The following AGPAT3 variants were observed in gnomAD, a reference collection of about 807,000 sequenced individuals.
AGPAT3 encodes 1-acyl-sn-glycerol-3-phosphate acyltransferase gamma.
In AGPAT3, 5 loss-of-function variants were observed where a neutral mutation model predicts 47.3. The observed-to-expected ratio is 0.11, with a 90% CI of 0.06 to 0.22. AGPAT3 has a LOEUF of 0.22. AGPAT3 is among the 10% of genes least tolerant of loss of function. The pLI, the probability that AGPAT3 is intolerant of heterozygous loss-of-function variation, is 1.00. For synonymous variants in AGPAT3, 212 were observed against 208.3 expected (o/e 1.02, Z -0.15); for missense variants, 315 against 493.0 (o/e 0.64, Z 3.42).
chr21:43,967,929 C>T lies in AGPAT3; in HGVS notation c.179-17C>T. On this transcript the variant is annotated splice_polypyrimidine_tract_variant and intron_variant, in intron 3 of 9. Transcript: ENST00000291572. ...GGAGGGGTCCTACCAGTGCCAACGC[C>T]CTCCCCCTGTCCGCAGAACTGGTCA... 6.2e-7 allele frequency: 1 copy of T among 1,611,746 alleles called. No homozygotes were observed. Among genetic ancestry groups the T allele is most frequent in the Non-Finnish European group, 8.5e-7 (1 of 1,178,496 alleles).
chr21:43,937,944 A>G (rs1313170867), intron 2 of AGPAT3, among the ~76,000 whole-genome samples: 1 of 152,016 alleles, frequency 6.6e-6, no homozygotes, highest in African/African-American at 2.4e-5. Context: ...AGCCAGTCAT[A>G]TTTGCATATT....
In AGPAT3 at chr21:43,922,303, A is replaced by G. The variant is rs1242798269; in HGVS notation, c.-49+18284A>G. Among the ~76,000 whole-genome samples, 1 of 152,106 alleles carries G rather than the reference A, an allele frequency of 6.6e-6. No individual in the cohort carries two copies. Among genetic ancestry groups the G allele is most frequent in the Non-Finnish European group, 1.5e-5 (1 of 67,998 alleles). On this transcript the variant is annotated intron_variant, in intron 2 of 9. Coordinates refer to ENST00000291572, the MANE Select transcript of AGPAT3 (RefSeq NM_020132.5). This position sits in a 1 kb window ranked among gnomAD's most constrained non-coding sequence, Gnocchi z 4.9. Reference sequence around the variant, plus strand: ...GGGGGTGGCGAGGCGAGGATGGTGAACACATCAGCAAACAGGAAGCGTGGG... The same window carrying G: ...GGGGGTGGCGAGGCGAGGATGGTGAGCACATCAGCAAACAGGAAGCGTGGG...
chr21:43,945,037 A>G (rs1312480391), intron 2 of AGPAT3, among the ~76,000 whole-genome samples: 3 of 152,224 alleles, frequency 2.0e-5, no homozygotes, highest in African/African-American at 7.2e-5. Flanking sequence ...GCCCAGAGGG[A>G]GGGCAGAGCC....
chr21:43,944,874 G>A (rs1417287982), intron 2 of AGPAT3, among the ~76,000 whole-genome samples: 2 of 152,250 alleles, frequency 1.3e-5, no homozygotes, highest in Non-Finnish European at 2.9e-5. Flanking sequence ...AGCAAGTGCG[G>A]GAGGTGTCCA....
chr21:43,915,109 A>C (rs1407421105), intron 2 of AGPAT3, among the ~76,000 whole-genome samples: 2 of 152,006 alleles, frequency 1.3e-5, no homozygotes, highest in Admixed American at 6.6e-5. Context: ...CCCAGGCTGG[A>C]GTGCAGTGAT....
intron 2 of AGPAT3, among the ~76,000 whole-genome samples, chr21:43,935,230 C>T (rs867954702): frequency 2.0e-5 from 3 of 152,258 alleles, no homozygotes; most frequent in Non-Finnish European, 2.9e-5. Context: ...CACACTGGGC[C>T]GTGTGGTGGC....
At chr21:43,946,884 G>A (rs2087917370) in intron 2 of AGPAT3, 1 of 152,340 alleles carries the variant, frequency 6.6e-6, no homozygotes, top group African/African-American at 2.4e-5. Context: ...CCTAGCATGG[G>A]AAGCGCCTGC....
intron 1 of AGPAT3, among the ~76,000 whole-genome samples, chr21:43,897,192 A>G (rs1459460361): frequency 6.6e-6 from 1 of 151,926 alleles, no homozygotes; most frequent in Non-Finnish European, 1.5e-5. Flanking sequence ...GCGTCTGTTT[A>G]ACAAAGCACA....
At chr21:43,963,397 G>C (rs1357403619) in intron 3 of AGPAT3, among the ~76,000 whole-genome samples, 1 of 152,118 alleles carries the variant, frequency 6.6e-6, no homozygotes, top group Non-Finnish European at 1.5e-5. Flanking sequence ...GGCAGGCCCT[G>C]GGGCATCACA....
rs1031281501 is a variant in AGPAT3 at position 43,916,057 on chromosome 21, AC to A, written c.-49+12041del. 6.0e-4 allele frequency among the ~76,000 whole-genome samples: 91 copies of A among 152,012 alleles called. 1 individual carries two copies. The highest frequency in any genetic ancestry group is 2.1e-3 in the African/African-American group (88 of 41,430). On this transcript the variant is annotated intron_variant, in intron 2 of 9. Coordinates refer to ENST00000291572, the MANE Select transcript of AGPAT3 (RefSeq NM_020132.5). Reference sequence around the variant, plus strand: ...TAATGTTTAAATTTCAGTGTAGAAAACCCTGTTTTCTGATTTTGTTACTAAT... The same window carrying A: ...TAATGTTTAAATTTCAGTGTAGAAAACCTGTTTTCTGATTTTGTTACTAAT...
rs2088363666 is a variant in AGPAT3 at position 43,954,807 on chromosome 21, C to G, written c.-48-4827C>G. ...GACTTCCTTTGAGGAGAGCTGGACCCAAGACGCCAGAGTTCCGGGGGCACT... is the reference window on the plus strand; with the variant it reads ...GACTTCCTTTGAGGAGAGCTGGACCGAAGACGCCAGAGTTCCGGGGGCACT... On this transcript the variant is annotated intron_variant, in intron 2 of 9. Coordinates refer to ENST00000291572, the MANE Select transcript of AGPAT3 (RefSeq NM_020132.5). This position sits in a 1 kb window ranked among gnomAD's most constrained non-coding sequence, Gnocchi z 4.0. The G allele has an allele frequency of 6.1e-6, 1 of 163,356 alleles. No homozygotes were observed. Among genetic ancestry groups the G allele is most frequent in the Non-Finnish European group, 1.3e-5 (1 of 74,678 alleles). 10.1% of individuals were successfully genotyped at this position (163,356 alleles called of 1,614,324 possible). A position where few individuals can be genotyped will look rare whatever the true frequency, so the allele number is the denominator to read the frequency against.
chr21:43,959,083 GGTGT>G (rs964453259), intron 2 of AGPAT3, among the ~76,000 whole-genome samples: 1 of 50,284 alleles, frequency 2.0e-5, no homozygotes, highest in Non-Finnish European at 4.5e-5. Context: ...TGTGGTTTGT[GGTGT>G]GTGTGTGTCA....
chr21:43,980,751 G>A (rs2089819689), intron 8 of AGPAT3, among the ~76,000 whole-genome samples: 1 of 152,200 alleles, frequency 6.6e-6, no homozygotes, highest in Non-Finnish European at 1.5e-5. Context: ...ATTTTCCTGG[G>A]AGACTTCCTC....
At chr21:43,879,986 G>A (rs2085821358) in intron 1 of AGPAT3, among the ~76,000 whole-genome samples, 1 of 152,196 alleles carries the variant, frequency 6.6e-6, no homozygotes, top group Non-Finnish European at 1.5e-5. Context: ...AGAAGACGTG[G>A]GTTCTGCCCG....
chr21:43,968,234 G>C, intron 4 of AGPAT3, 119 bp downstream of exon 4: 1 of 1,261,174 alleles, frequency 7.9e-7, no homozygotes, highest in South Asian at 1.4e-5. Flanking sequence ...GCTGGGGGTG[G>C]GGTGGTGACT....
chr21:43,942,973 CT>C (rs2087716620), intron 2 of AGPAT3, among the ~76,000 whole-genome samples: 1 of 152,236 alleles, frequency 6.6e-6, no homozygotes, highest in African/African-American at 2.4e-5. Context: ...GCCTCGGAGC[CT>C]TGTTCATCTG....
rs577233743 is a variant in AGPAT3, at chr21:43,909,656, G to A, written c.-49+5637G>A. On this transcript the variant is annotated intron_variant, in intron 2 of 9. Transcript: ENST00000291572. ...CTTGAGTCTTTCCTGGATAATGAAAGGTATCCCGACGGTGCTGTTCCATCA... is the reference window on the plus strand; with the variant it reads ...CTTGAGTCTTTCCTGGATAATGAAAAGTATCCCGACGGTGCTGTTCCATCA... Among the ~76,000 whole-genome samples the A allele has an allele frequency of 2.0e-5, 3 of 152,286 alleles. No homozygotes were observed. The South Asian group carries it at 6.2e-4, about 32-fold the overall frequency.
At chr21:43,904,327 C>T (rs767893516) in intron 2 of AGPAT3, among the ~76,000 whole-genome samples, 2 of 152,174 alleles carry the variant, frequency 1.3e-5, no homozygotes, top group Admixed American at 6.5e-5. Flanking sequence ...TGGGCTGAGG[C>T]GCCTACCAGG....
chr21:43,958,854 T>C (rs2088636990), intron 2 of AGPAT3, among the ~76,000 whole-genome samples: 1 of 132,254 alleles, frequency 7.6e-6, no homozygotes, highest in Admixed American at 7.5e-5. Flanking sequence ...GCATGTGTGG[T>C]TTGCGGTGTG....
Sources: gnomAD v4.1 joint callset for allele counts (sites outside exome capture counted in the v4.1 genomes callset) on GRCh38, gnomAD v4.1.1 for gene constraint, Gnocchi (gnomAD v3.1) non-coding constraint, MANE v1.5 for transcripts, NCBI Gene and HGNC (gene_info 2026-07-23, HGNC 2026-07-21) for gene names.